The following SRBD1 variants were observed in gnomAD, a reference collection of about 807,000 sequenced individuals.
SRBD1 encodes the protein S1 RNA-binding domain-containing protein 1.
In SRBD1, 88 loss-of-function variants were observed where a neutral mutation model predicts 115.3. That is an observed-to-expected ratio of 0.76 (90% CI 0.64 to 0.91). SRBD1 has a LOEUF of 0.91. Ranked by LOEUF, SRBD1 falls within the 40% of genes least tolerant of loss-of-function variation. The pLI, the probability that SRBD1 is intolerant of heterozygous loss-of-function variation, is 0.00. For synonymous variants in SRBD1, 509 were observed against 407.7 expected (o/e 1.25, Z -2.99); for missense variants, 1,385 against 1,177.4 (o/e 1.18, Z -2.58).
chr2:45,473,490 C>T (rs1475105539), intron 16 of SRBD1, among the ~76,000 whole-genome samples: 1 of 152,116 alleles, frequency 6.6e-6, no homozygotes, highest in Non-Finnish European at 1.5e-5. Context: ...GGAGTACTTC[C>T]ATCAATTCTT....
chr2:45,513,383 C>T (rs1349591444), intron 14 of SRBD1, among the ~76,000 whole-genome samples: 2 of 148,386 alleles, frequency 1.3e-5, no homozygotes, highest in Non-Finnish European at 3.0e-5. Context: ...GGCTAGATTA[C>T]AAGCTGAAAG....
chr2:45,489,368 C>T (rs911792704), intron 14 of SRBD1, among the ~76,000 whole-genome samples: 2 of 152,144 alleles, frequency 1.3e-5, no homozygotes, highest in Admixed American at 6.5e-5. Flanking sequence ...CGTACTGCCC[C>T]ACTGTAACAA....
intron 7 of SRBD1, among the ~76,000 whole-genome samples, chr2:45,577,922 C>G (rs1268570625): frequency 1.3e-5 from 2 of 152,092 alleles, no homozygotes. Flanking sequence ...AACAAAAGTC[C>G]TCACACGTCT....
chr2:45,496,640 C>T (rs933309703), intron 14 of SRBD1, among the ~76,000 whole-genome samples: 3 of 152,120 alleles, frequency 2.0e-5, no homozygotes, highest in Admixed American at 2.0e-4. Context: ...ACAATCTCAG[C>T]GAACTCCACT....
In SRBD1 at chr2:45,599,756, G is replaced by A. The variant is rs749476030; in HGVS notation, c.341C>T (p.Ala114Val). 6.2e-7 allele frequency: 1 copy of A among 1,614,076 alleles called. No individual in the cohort carries two copies. Among genetic ancestry groups the A allele is most frequent in the South Asian group, 1.1e-5 (1 of 91,076 alleles). The change falls in exon 4 of 21, where the codon GCC (alanine) becomes GTC (valine). Residue 114 changes from alanine to valine, a missense_variant. Ala to Val is a moderately conservative substitution (Grantham distance 64, BLOSUM62 0). Coordinates refer to ENST00000263736, the MANE Select transcript of SRBD1 (RefSeq NM_018079.5). ...KLDTVQTLKT[A>V]KTKQKCAAQP... ...CGCTGCACATTTCTGTTTTGTCTTG[G>A]CTGTTTTCAGAGTCTGTACAGTATC...
chr2:45,599,750 G>GTC lies in SRBD1; in HGVS notation c.345_346dup (p.Thr116ArgfsTer19). The GTC allele has an allele frequency of 6.2e-7, 1 of 1,614,062 alleles. No individual in the cohort carries two copies. The highest frequency in any genetic ancestry group is 8.5e-7 in the Non-Finnish European group (1 of 1,180,006). On this transcript the variant is annotated frameshift_variant, in exon 4 of 21. Coordinates refer to ENST00000263736, the MANE Select transcript of SRBD1 (RefSeq NM_018079.5). LOFTEE classifies it high-confidence loss of function. ...TGGCTGCGCTGCACATTTCTGTTTT[G>GTC]TCTTGGCTGTTTTCAGAGTCTGTAC...
intron 16 of SRBD1, among the ~76,000 whole-genome samples, chr2:45,457,756 G>C (rs916974788): frequency 2.0e-5 from 3 of 151,932 alleles, no homozygotes; most frequent in Non-Finnish European, 4.4e-5. Context: ...GCTAACATTT[G>C]GGAGCTGTTG....
At position 45,573,262 on chromosome 2, in the gene SRBD1, T is replaced by C. The variant is rs778003076; in HGVS notation, c.1250A>G (p.Lys417Arg). The change falls in exon 9 of 21, where the codon AAG becomes AGG. Residue 417 changes from lysine to arginine, a missense_variant. By Grantham distance (26) the Lys-to-Arg change is conservative (BLOSUM62 2). Transcript: ENST00000263736. ...SKKVNEKDVD[K>R]FLLYQHFSCN... ...GGAAAAATGCTGGTAGAGCAGAAAC[T>C]TATCAACATCTTTCTCATTTACCTT... is the stretch of plus-strand genomic sequence containing the variant. The C allele has an allele frequency of 3.1e-6, 5 of 1,612,468 alleles. No homozygotes were observed. In the South Asian group the frequency reaches 4.4e-5, roughly 14 times the overall value.
At chr2:45,528,672 C>T (rs1187409435) in intron 14 of SRBD1, among the ~76,000 whole-genome samples, 1 of 151,622 alleles carries the variant, frequency 6.6e-6, no homozygotes, top group Non-Finnish European at 1.5e-5. Context: ...AAAGATGAAG[C>T]TCCAGAAGTG....
At chr2:45,516,724 A>G (rs1251467842) in intron 14 of SRBD1, among the ~76,000 whole-genome samples, 1 of 152,228 alleles carries the variant, frequency 6.6e-6, no homozygotes, top group Non-Finnish European at 1.5e-5. Flanking sequence ...ATTTCATCAA[A>G]AAAGTATTGC....
In SRBD1 at chr2:45,547,949, G is replaced by C. The variant is rs137968980; in HGVS notation, c.1676-337C>G. Among the ~76,000 whole-genome samples, 82 of 152,158 alleles carry C rather than the reference G, an allele frequency of 5.4e-4. 1 individual carries two copies. The highest frequency in any genetic ancestry group is 1.9e-3 in the African/African-American group (80 of 41,544). On this transcript the variant is annotated intron_variant, in intron 12 of 20. Coordinates refer to ENST00000263736, the MANE Select transcript of SRBD1 (RefSeq NM_018079.5). ...TAGTATATGTCAGACACTGTTGTGAGACTATCCTATTTCTTTTTTTCTGGT... is the reference window on the plus strand; with the variant it reads ...TAGTATATGTCAGACACTGTTGTGACACTATCCTATTTCTTTTTTTCTGGT...
intron 16 of SRBD1, among the ~76,000 whole-genome samples, chr2:45,434,854 T>A (rs554601254): frequency 6.6e-6 from 1 of 152,078 alleles, no homozygotes; most frequent in African/African-American, 2.4e-5. Flanking sequence ...ATGTGTCATG[T>A]TGGTTTGCTG....
chr2:45,576,146 C>T (rs1673170535), intron 7 of SRBD1, among the ~76,000 whole-genome samples: 4 of 152,182 alleles, frequency 2.6e-5, no homozygotes, highest in Non-Finnish European at 5.9e-5. Flanking sequence ...TCCTTTTTCT[C>T]GTCAGCCTAT....
intron 4 of SRBD1, among the ~76,000 whole-genome samples, chr2:45,597,082 T>A (rs1673925111): frequency 1.3e-5 from 2 of 151,866 alleles, no homozygotes; most frequent in African/African-American, 4.8e-5. Context: ...GGACCAGAGA[T>A]GGATACCTGA....
chr2:45,585,858 A>G, intron 4 of SRBD1, 84 bp from the exon 5 acceptor site: 1 of 1,150,794 alleles, frequency 8.7e-7, no homozygotes, highest in African/African-American at 1.6e-5. Flanking sequence ...AGTATCAAAT[A>G]ATGTTCTCCA....
At chr2:45,412,766 T>C (rs1667640466) in intron 19 of SRBD1, among the ~76,000 whole-genome samples, 1 of 152,220 alleles carries the variant, frequency 6.6e-6, no homozygotes, top group African/African-American at 2.4e-5. Context: ...TTGTTTACTT[T>C]CAAAAGGGTT....
intron 4 of SRBD1, among the ~76,000 whole-genome samples, chr2:45,588,502 A>G (rs1029135014): frequency 3.3e-5 from 5 of 152,160 alleles, no homozygotes; most frequent in Non-Finnish European, 7.4e-5. Flanking sequence ...GTTCCAGTCC[A>G]CATCATGTCA....
chr2:45,586,624 C>A (rs1397220023), intron 4 of SRBD1, among the ~76,000 whole-genome samples: 2 of 151,832 alleles, frequency 1.3e-5, no homozygotes, highest in Non-Finnish European at 2.9e-5. Flanking sequence ...TGATTCAATG[C>A]AACCTTGAAC....
intron 9 of SRBD1, among the ~76,000 whole-genome samples, chr2:45,570,832 C>A (rs1672983726): frequency 6.6e-6 from 1 of 152,074 alleles, no homozygotes; most frequent in South Asian, 2.1e-4. Context: ...GGAACTGACT[C>A]AAGGGCTTGT....
Sources: allele counts gnomAD v4.1 joint callset (sites outside exome capture counted in the v4.1 genomes callset), GRCh38; gene constraint gnomAD v4.1.1; transcripts MANE v1.5; gene names NCBI Gene and HGNC (gene_info 2026-07-23, HGNC 2026-07-21).